Variants in MPND observed in about 807,000 individuals in gnomAD.
MPND encodes MPN domain containing.
A neutral mutation model predicts 59.2 loss-of-function variants in MPND; 56 were observed. That is an observed-to-expected ratio of 0.95 (90% CI 0.76 to 1.18). The LOEUF (loss-of-function observed/expected upper bound fraction) is 1.18. Among genes scored for constraint, MPND ranks in the 50% most tolerant of loss-of-function variants. MPND has a pLI of 0.00. For synonymous variants in MPND, 323 were observed against 291.9 expected (o/e 1.11, Z -1.09); for missense variants, 671 against 676.0 (o/e 0.99, Z 0.08).
At chr19:4,355,224 T>C (rs1972411501) in intron 8 of MPND, 51 bp downstream of exon 8, 1 of 1,589,270 alleles carries the variant, frequency 6.3e-7, no homozygotes, top group African/African-American at 1.3e-5. Context: ...GGAAGGGACA[T>C]AGCTGTCCTG....
intron 3 of MPND, among the ~76,000 whole-genome samples, chr19:4,352,348 T>C (rs925904021): frequency 8.5e-5 from 13 of 152,320 alleles, no homozygotes; most frequent in Admixed American, 3.9e-4. Flanking sequence ...TAGGCATAAA[T>C]GGCAATGGTG....
intron 2 of MPND, 68 bp downstream of exon 2, chr19:4,344,062 C>G (rs1972132237): frequency 1.8e-6 from 2 of 1,141,054 alleles, no homozygotes; most frequent in East Asian, 6.8e-5. Flanking sequence ...CCTGGAGTTC[C>G]CTTGCTGCAG....
intron 8 of MPND, among the ~76,000 whole-genome samples, chr19:4,355,694 C>G (rs1393232446): frequency 6.6e-6 from 1 of 151,584 alleles, no homozygotes. Flanking sequence ...TGGTCTTGAT[C>G]TCTTTACCTC....
intron 3 of MPND, among the ~76,000 whole-genome samples, chr19:4,346,358 G>A (rs1344072258): frequency 6.6e-6 from 1 of 152,140 alleles, no homozygotes; most frequent in Non-Finnish European, 1.5e-5. Context: ...TATGATAATA[G>A]ATGTTCCCTG....
chr19:4,357,220 CCT>C (rs755000875), intron 8 of MPND, 31 bp from the exon 9 acceptor site: 188 of 1,556,142 alleles, frequency 1.2e-4, no homozygotes, highest in Non-Finnish European at 1.4e-4. Flanking sequence ...CGTTCAGGCC[CCT>C]GTGCCCGCTG....
At position 4,349,354 on chromosome 19, in the gene MPND, GC is replaced by G. The variant is rs141604138; in HGVS notation, c.531+3374del. Among the ~76,000 whole-genome samples, 1,422 of 152,268 alleles carry G rather than the reference GC, an allele frequency of 9.3e-3. 20 individuals carry two copies. The highest frequency in any genetic ancestry group is 0.033 in the African/African-American group (1,360 of 41,540). ...GTATCCCAAAGTGCAGGGATTACAGGCATGAGCCACCGCAGCCAGTCACGAT... is the reference window on the plus strand; with the variant it reads ...GTATCCCAAAGTGCAGGGATTACAGGATGAGCCACCGCAGCCAGTCACGAT... On this transcript the variant is annotated intron_variant, in intron 3 of 12. Coordinates refer to ENST00000599840, the MANE Select transcript of MPND (RefSeq NM_001300862.2).
chr19:4,353,243 A>T (rs1213820411), intron 4 of MPND, among the ~76,000 whole-genome samples: 1 of 151,976 alleles, frequency 6.6e-6, no homozygotes, highest in Non-Finnish European at 1.5e-5. Flanking sequence ...CTTAAGCTCA[A>T]ATGCTGGATT....
At chr19:4,350,467 G>C (rs551222068) in intron 3 of MPND, among the ~76,000 whole-genome samples, 1 of 152,162 alleles carries the variant, frequency 6.6e-6, no homozygotes, top group Non-Finnish European at 1.5e-5. Flanking sequence ...GTTAGGGTGG[G>C]ATCCAGGGAC....
At chr19:4,349,737 C>G (rs1473969724) in intron 3 of MPND, among the ~76,000 whole-genome samples, 1 of 152,198 alleles carries the variant, frequency 6.6e-6, no homozygotes, top group African/African-American at 2.4e-5. Flanking sequence ...TCTTGAACTC[C>G]TGACCTCAGG....
intron 6 of MPND, 134 bp downstream of exon 6, chr19:4,354,554 G>A: frequency 1.4e-6 from 1 of 739,666 alleles, no homozygotes; most frequent in Non-Finnish European, 2.2e-6. Context: ...TACACTGTGG[G>A]TGCTCAATAA....
intron 12 of MPND, 21 bp from the exon 13 acceptor site, chr19:4,359,895 G>C: frequency 1.3e-6 from 2 of 1,548,822 alleles, no homozygotes; most frequent in Non-Finnish European, 1.7e-6. Flanking sequence ...CACAGCCTGA[G>C]GCCCAGCCCC....
At position 4,345,803 on chromosome 19, in the gene MPND, G is replaced by C; in HGVS notation, c.353G>C (p.Gly118Ala). The stretch of plus-strand genomic sequence containing the variant: ...GGAAGGATCATGTGGCAGGAGACCG[G>C]GCAGACCTTCAACTCACCCAGCGCC... ...PDGRIMWQET[G>A]QTFNSPSAWA... Residue 118 changes from glycine (G) to alanine (A), a missense_variant, in exon 3 of 13, where the codon GGG (glycine) becomes GCG (alanine). Gly to Ala is a moderately conservative substitution (Grantham distance 60). Coordinates refer to ENST00000599840, the MANE Select transcript of MPND (RefSeq NM_001300862.2). 2 of 1,613,952 alleles carry C rather than the reference G, an allele frequency of 1.2e-6. No homozygotes were observed. The highest frequency in any genetic ancestry group is 2.2e-5 in the East Asian group (1 of 44,882).
intron 3 of MPND, among the ~76,000 whole-genome samples, chr19:4,350,736 T>C (rs998364671): frequency 4.6e-5 from 7 of 152,024 alleles, no homozygotes; most frequent in African/African-American, 1.4e-4. Context: ...GTCCCCCACA[T>C]GGAGACATAG....
At chr19:4,357,473 C>T (rs375783081) in intron 9 of MPND, 42 bp from the exon 10 acceptor site, 1 of 1,609,438 alleles carries the variant, frequency 6.2e-7, no homozygotes, top group Non-Finnish European at 8.5e-7. Flanking sequence ...GCTGGGCCAG[C>T]CGAGCCTCCC....
At position 4,358,189 on chromosome 19, in the gene MPND, G is replaced by C. The variant is rs1972488304; in HGVS notation, c.1326+17G>C. 2 of 1,549,026 alleles carry C rather than the reference G, an allele frequency of 1.3e-6. No individual in the cohort carries two copies. Among genetic ancestry groups the C allele is most frequent in the South Asian group, 2.4e-5 (2 of 84,036 alleles). ...CACGAGATGGTGAGCTCGCTGCGGG[G>C]CGGGCAGGCAGGGGCTGGCAGTGCG... On this transcript the variant is annotated intron_variant, in intron 11 of 12. Coordinates refer to ENST00000599840, the MANE Select transcript of MPND (RefSeq NM_001300862.2).
chr19:4,355,045 C>T (rs369865886), intron 7 of MPND, 24 bp downstream of exon 7: 83 of 1,542,312 alleles, frequency 5.4e-5, no homozygotes, highest in African/African-American at 7.2e-5. Context: ...GCCAGGTGGG[C>T]GGGGGCGTTG....
At chr19:4,346,379 A>G (rs1052768789) in intron 3 of MPND, among the ~76,000 whole-genome samples, 1 of 152,128 alleles carries the variant, frequency 6.6e-6, no homozygotes, top group Non-Finnish European at 1.5e-5. Context: ...AGTGTTCACC[A>G]GCCGGGTGAA....
intron 6 of MPND, 57 bp from the exon 7 acceptor site, chr19:4,354,892 A>G: frequency 2.0e-6 from 3 of 1,490,410 alleles, no homozygotes; most frequent in Non-Finnish European, 1.8e-6. Context: ...GGCTGGCTCC[A>G]GTGTTGGGGC....
Position 4,352,980 on chromosome 19 carries a change from C to T in MPND, c.615C>T (p.Asp205=). The change falls in exon 4 of 13, where the codon GAC becomes GAT. Residue 205 remains aspartate (D), a synonymous_variant. Coordinates refer to ENST00000599840, the MANE Select transcript of MPND (RefSeq NM_001300862.2). The part of the protein sequence containing the change: ...EDVLAGVSAE[D]KSRRPLGKSP... ...TTCTGGCAGGGGTCTCAGCAGAGGACAAGAGTCGGAGACCACTGGGGAAGA... is the reference window on the plus strand; with the variant it reads ...TTCTGGCAGGGGTCTCAGCAGAGGATAAGAGTCGGAGACCACTGGGGAAGA... The T allele has an allele frequency of 7.3e-7, 1 of 1,378,528 alleles. No homozygotes were observed. The highest frequency in any genetic ancestry group is 2.7e-5 in the East Asian group (1 of 36,442). 85.4% of individuals were successfully genotyped at this position (1,378,528 alleles called of 1,614,324 possible).
Sources: allele counts gnomAD v4.1 joint callset (sites outside exome capture counted in the v4.1 genomes callset), GRCh38; gene constraint gnomAD v4.1.1; transcripts MANE v1.5; gene names NCBI Gene and HGNC (gene_info 2026-07-23, HGNC 2026-07-21).